The following ESCO1 variants were observed in gnomAD, a reference collection of about 807,000 sequenced individuals.
ESCO1 encodes establishment of sister chromatid cohesion N-acetyltransferase 1.
Under a neutral mutation model 83.5 loss-of-function variants are expected in ESCO1, and 33 were observed. That is an observed-to-expected ratio of 0.40 (90% CI 0.30 to 0.53). The LOEUF is 0.53. Among genes scored for constraint, ESCO1 ranks in the 20% least tolerant of loss-of-function variants. ESCO1 has a pLI of 0.63. For missense variants in ESCO1, 855 were observed against 968.0 expected, an observed-to-expected ratio of 0.88 and a Z score of 1.55; for synonymous variants, 332 against 324.3, an observed-to-expected ratio of 1.02 and a Z score of -0.25.
rs1260670078 is a variant in ESCO1 at position 21,573,418 on chromosome 18, T to C, written c.1426A>G (p.Thr476Ala). 6.2e-7 allele frequency: 1 copy of C among 1,612,028 alleles called. No homozygotes were observed. Among genetic ancestry groups the C allele is most frequent in the Non-Finnish European group, 8.5e-7 (1 of 1,179,572 alleles). ...TGACAATTTTCAGGAGCCCTTTCTG[T>C]GGTTTTATTAATTTCTACTGTAATA... ...NDITVEINKTTERAPENCHLA... is the reference protein window; with the variant it reads ...NDITVEINKTAERAPENCHLA... The change falls in exon 4 of 12, where the codon ACA becomes GCA. Residue 476 changes from threonine (T) to alanine (A), a missense_variant. Coordinates refer to ENST00000269214, the MANE Select transcript of ESCO1 (RefSeq NM_052911.3).
intron 7 of ESCO1, among the ~76,000 whole-genome samples, chr18:21,562,748 A>C (rs2038205395): frequency 6.6e-6 from 1 of 152,146 alleles, no homozygotes; most frequent in Admixed American, 6.6e-5. Flanking sequence ...TTAGATTTTT[A>C]ATCAATCAAA....
intron 8 of ESCO1, among the ~76,000 whole-genome samples, chr18:21,543,359 T>G (rs1017678515): frequency 6.6e-6 from 1 of 152,188 alleles, no homozygotes; most frequent in African/African-American, 2.4e-5. Context: ...GGTTTCTCCA[T>G]GTTGGTCAGG....
intron 1 of ESCO1, among the ~76,000 whole-genome samples, chr18:21,589,315 CCCCT>C (rs1327950286): frequency 6.6e-6 from 1 of 152,062 alleles, no homozygotes; most frequent in Non-Finnish European, 1.5e-5. Context: ...AGCCACTTTC[CCCCT>C]CCAAGTCACT....
intron 4 of ESCO1, among the ~76,000 whole-genome samples, chr18:21,571,409 G>A (rs1007446025): frequency 1.3e-5 from 2 of 152,040 alleles, no homozygotes; most frequent in Non-Finnish European, 2.9e-5. Context: ...AGCTGGTCTC[G>A]AACTCCTGAC....
At chr18:21,551,024 A>T (rs561850146) in intron 8 of ESCO1, among the ~76,000 whole-genome samples, 1 of 151,452 alleles carries the variant, frequency 6.6e-6, no homozygotes, top group South Asian at 2.1e-4. Flanking sequence ...AGGCAGGAGA[A>T]TGGCATGAAC....
chr18:21,554,310 G>A (rs914589783), intron 8 of ESCO1, among the ~76,000 whole-genome samples: 3 of 152,216 alleles, frequency 2.0e-5, no homozygotes, highest in Admixed American at 2.0e-4. Flanking sequence ...AAAAAGAGCT[G>A]AAAACACGTC....
chr18:21,575,269 C>T lies in ESCO1; in HGVS notation c.-426G>A. On this transcript the variant is annotated 5_prime_UTR_variant, in exon 4 of 12. Coordinates refer to ENST00000269214, the MANE Select transcript of ESCO1 (RefSeq NM_052911.3). Reference sequence around the variant, plus strand: ...TAAAATTTTTGAAAACTTTTTTCTTCTGAAGTCTACAGTTATTGGACTTCG... The same window carrying T: ...TAAAATTTTTGAAAACTTTTTTCTTTTGAAGTCTACAGTTATTGGACTTCG... The T allele has an allele frequency of 2.6e-6, 1 of 391,434 alleles. No homozygotes were observed. The highest frequency in any genetic ancestry group is 4.5e-6 in the Non-Finnish European group (1 of 221,974). 24.2% of individuals were successfully genotyped at this position (391,434 alleles called of 1,614,324 possible).
intron 1 of ESCO1, among the ~76,000 whole-genome samples, chr18:21,590,731 C>T (rs564506252): frequency 3.9e-5 from 6 of 151,910 alleles, no homozygotes; most frequent in South Asian, 4.2e-4. Flanking sequence ...GGGCAGATCA[C>T]GAGGTCAACA....
At chr18:21,593,170 C>G (rs2038707275) in intron 1 of ESCO1, 1 of 185,932 alleles carries the variant, frequency 5.4e-6, no homozygotes, top group African/African-American at 2.4e-5. Context: ...AGAGACGCTC[C>G]TCACTTCCTA....
chr18:21,530,511 G>T, intron 11 of ESCO1, 21 bp from the exon 12 acceptor site: 3 of 1,443,686 alleles, frequency 2.1e-6, no homozygotes, highest in South Asian at 1.3e-5. Context: ...AAAATGGGGG[G>T]GGGGAAGGGT....
intron 10 of ESCO1, among the ~76,000 whole-genome samples, chr18:21,534,254 T>C (rs553591601): frequency 9.2e-5 from 14 of 152,338 alleles, no homozygotes; most frequent in Non-Finnish European, 2.1e-4. Context: ...ATTTATATCC[T>C]ACTGCTCAAG....
chr18:21,548,640 T>A (rs988734064), intron 8 of ESCO1, among the ~76,000 whole-genome samples: 14 of 149,924 alleles, frequency 9.3e-5, no homozygotes, highest in African/African-American at 1.2e-4. Flanking sequence ...TCAAAAAAAA[T>A]TTTTAAATTT....
intron 1 of ESCO1, among the ~76,000 whole-genome samples, chr18:21,585,484 G>A (rs767112905): frequency 1.5e-4 from 23 of 152,190 alleles, no homozygotes; most frequent in Middle Eastern, 3.4e-3. Flanking sequence ...ATCCATTGCC[G>A]TAAATGTATG....
Position 21,532,759 on chromosome 18 carries a change from C to G in ESCO1, c.2188-99G>C. 1.7e-5 allele frequency: 19 copies of G among 1,138,234 alleles called. 1 individual carries two copies. The highest frequency in any genetic ancestry group is 2.3e-5 in the Non-Finnish European group (19 of 818,564). 70.5% of individuals were successfully genotyped at this position (1,138,234 alleles called of 1,614,324 possible). On this transcript the variant is annotated intron_variant, in intron 10 of 11. Transcript: ENST00000269214. ...CGGTTATGACATTTGACTGGCTTAA[C>G]AAACTATGGGGCCACTTATGCTTTC...
intron 1 of ESCO1, among the ~76,000 whole-genome samples, chr18:21,587,460 C>T (rs1187218916): frequency 2.0e-5 from 3 of 152,110 alleles, no homozygotes; most frequent in Non-Finnish European, 2.9e-5. Context: ...TCTATTTCTT[C>T]TTGAGTCAGT....
chr18:21,599,614 C>G (rs1301968006), intron 1 of ESCO1, among the ~76,000 whole-genome samples: 1 of 152,102 alleles, frequency 6.6e-6, no homozygotes, highest in East Asian at 1.9e-4. Context: ...CTGTGTGCTG[C>G]GATTCCTGTT....
intron 2 of ESCO1, among the ~76,000 whole-genome samples, chr18:21,576,883 A>G (rs2038425523): frequency 6.6e-6 from 1 of 152,116 alleles, no homozygotes; most frequent in Non-Finnish European, 1.5e-5. Flanking sequence ...AAACACAAAA[A>G]TTAACCAGGC....
At chr18:21,569,950 T>A (rs1171616914) in intron 4 of ESCO1, among the ~76,000 whole-genome samples, 1 of 152,154 alleles carries the variant, frequency 6.6e-6, no homozygotes, top group African/African-American at 2.4e-5. Context: ...TGTTCTATGG[T>A]CCTAGCACAG....
chr18:21,556,958 C>T (rs2038121437), intron 8 of ESCO1, among the ~76,000 whole-genome samples: 2 of 152,188 alleles, frequency 1.3e-5, no homozygotes, highest in Admixed American at 6.5e-5. Context: ...CCTCGGCATC[C>T]CAAAGTGCTG....
Sources: gnomAD v4.1 joint callset for allele counts (sites outside exome capture counted in the v4.1 genomes callset) on GRCh38, gnomAD v4.1.1 for gene constraint, MANE v1.5 for transcripts, NCBI Gene and HGNC (gene_info 2026-07-23, HGNC 2026-07-21) for gene names.